Variants in UNC13C observed in about 807,000 individuals in gnomAD.
UNC13C encodes the protein protein unc-13 homolog C.
Under a neutral mutation model 245.4 loss-of-function variants are expected in UNC13C, and 174 were observed. That is an observed-to-expected ratio of 0.71 (90% CI 0.63 to 0.80). The LOEUF is 0.80. Ranked by LOEUF, UNC13C falls within the 30% of genes least tolerant of loss-of-function variation. The probability of loss-of-function intolerance (pLI) is 0.00; values close to 1 mark genes in which losing one functional copy is unlikely to be tolerated. For missense variants in UNC13C, 2,829 were observed against 2,602.9 expected (o/e 1.09, Z -1.89); for synonymous variants, 992 against 895.1 (o/e 1.11, Z -1.93).
intron 1 of UNC13C, among the ~76,000 whole-genome samples, chr15:53,983,225 A>G (rs1893996332): frequency 1.3e-5 from 2 of 152,098 alleles, no homozygotes; most frequent in South Asian, 4.1e-4. Context: ...TTGTGGAACA[A>G]TGCTTTTAAA....
intron 1 of UNC13C, among the ~76,000 whole-genome samples, chr15:54,004,546 A>G (rs1302176747): frequency 6.6e-6 from 1 of 152,228 alleles, no homozygotes; most frequent in African/African-American, 2.4e-5. Context: ...TTGCAGGATC[A>G]TATGGTAGCT....
intron 19 of UNC13C, among the ~76,000 whole-genome samples, chr15:54,483,577 C>T (rs979487965): frequency 3.3e-5 from 5 of 152,108 alleles, no homozygotes; most frequent in African/African-American, 7.2e-5. Flanking sequence ...CTCACTGCAA[C>T]GTCCACCTCC....
rs1351350019 is a variant in UNC13C at position 54,134,420 on chromosome 15, C to G, written c.2984-8598C>G. ...TTCTTTTTAATGGCTAAATAATCAT[C>G]TGTGTGTGTGTGTGTGTGCGTTTGT... On this transcript the variant is annotated intron_variant, in intron 2 of 32. Coordinates refer to ENST00000260323, the MANE Select transcript of UNC13C (RefSeq NM_001080534.3). 3.9e-5 allele frequency among the ~76,000 whole-genome samples: 5 copies of G among 127,458 alleles called. 1 individual carries two copies. The highest frequency in any genetic ancestry group is 7.5e-5 in the Non-Finnish European group (4 of 53,250). 83.6% of individuals were successfully genotyped at this position (127,458 alleles called of 152,430 possible). A position where few individuals can be genotyped will look rare whatever the true frequency, so the allele number is the denominator to read the frequency against.
intron 2 of UNC13C, among the ~76,000 whole-genome samples, chr15:54,073,070 C>A (rs1297494153): frequency 1.3e-5 from 2 of 152,044 alleles, no homozygotes; most frequent in Non-Finnish European, 2.9e-5. Flanking sequence ...TGTGATGTTC[C>A]CCTCCCTGTG....
At chr15:54,603,741 G>C (rs992438306) in intron 30 of UNC13C, among the ~76,000 whole-genome samples, 1 of 152,080 alleles carries the variant, frequency 6.6e-6, no homozygotes, top group East Asian at 1.9e-4. Flanking sequence ...GCAGGTACCT[G>C]GAATGCCAGC....
At chr15:54,250,800 C>G (rs1307107200) in intron 8 of UNC13C, among the ~76,000 whole-genome samples, 1 of 129,806 alleles carries the variant, frequency 7.7e-6, no homozygotes, top group Non-Finnish European at 1.6e-5. Context: ...TCTGTCGCCC[C>G]AGCTGGGGTG....
chr15:54,618,232 AG>A (rs1900567567), intron 30 of UNC13C, among the ~76,000 whole-genome samples: 2 of 152,126 alleles, frequency 1.3e-5, no homozygotes, highest in South Asian at 4.1e-4. Flanking sequence ...GTTCAAATAA[AG>A]CAGACAATGA....
intron 1 of UNC13C, among the ~76,000 whole-genome samples, chr15:53,982,509 C>A (rs1250384059): frequency 1.3e-5 from 2 of 152,042 alleles, no homozygotes; most frequent in Non-Finnish European, 2.9e-5. Context: ...ATGATATGGT[C>A]TCAGAATAAC....
intron 4 of UNC13C, among the ~76,000 whole-genome samples, chr15:54,210,126 G>A (rs907824029): frequency 2.7e-5 from 4 of 150,426 alleles, no homozygotes; most frequent in Admixed American, 2.0e-4. Context: ...GAAGAATCTC[G>A]TATGCTACCT....
chr15:54,284,086 T>A (rs541829504), intron 10 of UNC13C, among the ~76,000 whole-genome samples: 1 of 152,326 alleles, frequency 6.6e-6, no homozygotes, highest in South Asian at 2.1e-4. Context: ...AACCAATGAC[T>A]TTAGAGATTA....
chr15:53,854,354 C>T, the UNC13C span, among the ~76,000 whole-genome samples: 1,010 of 151,812 alleles, frequency 6.7e-3, 10 homozygotes, highest in African/African-American at 0.023. Flanking sequence ...CTCTTAACCT[C>T]GTGATCCACC....
At chr15:54,289,997 C>G (rs1254669458) in intron 10 of UNC13C, among the ~76,000 whole-genome samples, 2 of 152,012 alleles carry the variant, frequency 1.3e-5, no homozygotes, top group African/African-American at 4.8e-5. Context: ...GCAGAATGCT[C>G]GAGAGGCTGG....
intron 7 of UNC13C, among the ~76,000 whole-genome samples, chr15:54,238,184 C>T (rs1703291678): frequency 6.7e-6 from 1 of 148,310 alleles, no homozygotes; most frequent in Non-Finnish European, 1.5e-5. Flanking sequence ...AAGCAATTCT[C>T]CTGCCTCAGC....
intron 17 of UNC13C, among the ~76,000 whole-genome samples, chr15:54,387,813 A>C (rs1029368154): frequency 6.6e-6 from 1 of 152,126 alleles, no homozygotes. Flanking sequence ...TCAGGCTTAC[A>C]TCTATCTTGC....
intron 30 of UNC13C, among the ~76,000 whole-genome samples, chr15:54,613,938 A>G (rs1264241704): frequency 6.6e-6 from 1 of 151,988 alleles, no homozygotes; most frequent in Non-Finnish European, 1.5e-5. Context: ...TTGCAACATC[A>G]GAAGTGCTTG....
intron 7 of UNC13C, among the ~76,000 whole-genome samples, chr15:54,242,781 C>A (rs1171549283): frequency 2.0e-5 from 3 of 152,048 alleles, no homozygotes; most frequent in African/African-American, 4.8e-5. Flanking sequence ...ACCATGTATC[C>A]ATTTTTGATG....
At chr15:53,862,652 A>G in the UNC13C span, among the ~76,000 whole-genome samples, 1 of 152,170 alleles carries the variant, frequency 6.6e-6, no homozygotes, top group Non-Finnish European at 1.5e-5. Flanking sequence ...AAATTATAGT[A>G]AAAGGTTAGT....
intron 19 of UNC13C, among the ~76,000 whole-genome samples, chr15:54,430,567 A>C (rs1344658817): frequency 6.6e-6 from 1 of 151,696 alleles, no homozygotes; most frequent in African/African-American, 2.4e-5. Flanking sequence ...GTAAATCAGC[A>C]TTAAATATTA....
At chr15:54,138,851 T>C (rs2031864135) in intron 2 of UNC13C, among the ~76,000 whole-genome samples, 2 of 151,750 alleles carry the variant, frequency 1.3e-5, no homozygotes, top group African/African-American at 4.8e-5. Flanking sequence ...GAGAATCTTC[T>C]GAGGCCTCTC....
Sources: allele counts gnomAD v4.1 joint callset (sites outside exome capture counted in the v4.1 genomes callset), GRCh38; gene constraint gnomAD v4.1.1; transcripts MANE v1.5; gene names NCBI Gene and HGNC (gene_info 2026-07-23, HGNC 2026-07-21).